Variants in HDGFL3 observed in about 807,000 individuals in gnomAD.
HDGFL3 encodes HDGF like 3, also known as hepatoma-derived growth factor-related protein 3.
Under a neutral mutation model 27.6 loss-of-function variants are expected in HDGFL3, and 6 were observed. The observed-to-expected ratio is 0.22, with a 90% CI of 0.12 to 0.43. The LOEUF is 0.43. Among genes scored for constraint, HDGFL3 ranks in the 20% least tolerant of loss-of-function variants. HDGFL3 has a pLI of 1.00. For synonymous variants in HDGFL3, 88 were observed against 88.9 expected, an observed-to-expected ratio of 0.99 and a Z score of 0.05; for missense variants, 207 against 250.1, an observed-to-expected ratio of 0.83 and a Z score of 1.16.
At chr15:83,120,698 AC>A (rs1023094296) in intron 3 of HDGFL3, among the ~76,000 whole-genome samples, 7 of 149,774 alleles carry the variant, frequency 4.7e-5, no homozygotes, top group African/African-American at 1.7e-4. Flanking sequence ...AGCTGGGACT[AC>A]AGGCGTGTGT....
intron 1 of HDGFL3, among the ~76,000 whole-genome samples, chr15:83,177,150 C>T (rs1028903817): frequency 3.3e-5 from 5 of 152,182 alleles, no homozygotes; most frequent in African/African-American, 1.2e-4. Context: ...AACTCCTGAC[C>T]TCAAATGATC....
chr15:83,122,886 T>A (rs370531241), downstream of HDGFL3: 1 of 1,613,832 alleles, frequency 6.2e-7, no homozygotes, highest in African/African-American at 1.3e-5. Flanking sequence ...AAGGTGATTT[T>A]ATTAAGCTTT....
At chr15:83,115,596 A>G in exon 4 of HDGFL3, 1 of 636,518 alleles carries the variant, frequency 1.6e-6, no homozygotes, top group South Asian at 1.5e-5. Context: ...GGCAGTGACC[A>G]TCATTCTCCA....
intron 1 of HDGFL3, among the ~76,000 whole-genome samples, chr15:83,164,791 A>C (rs941145179): frequency 3.9e-4 from 59 of 152,344 alleles, no homozygotes; most frequent in African/African-American, 1.4e-3. Flanking sequence ...ATTCCTTAGA[A>C]TACTATATAA....
intron 4 of HDGFL3, among the ~76,000 whole-genome samples, chr15:83,154,727 C>G (rs540189698): frequency 2.0e-5 from 3 of 152,262 alleles, no homozygotes; most frequent in East Asian, 3.9e-4. Flanking sequence ...CTAGTAAATA[C>G]AGTATAACTA....
chr15:83,172,731 G>T (rs946953814), intron 1 of HDGFL3, among the ~76,000 whole-genome samples: 2 of 150,302 alleles, frequency 1.3e-5, no homozygotes, highest in African/African-American at 4.9e-5. Context: ...TGAGGCAGAA[G>T]AATCGCTTGA....
At chr15:83,127,408 T>C (rs769557782), downstream of HDGFL3, 3 of 1,614,100 alleles carry the variant, frequency 1.9e-6, no homozygotes, top group South Asian at 3.3e-5. Flanking sequence ...CTGCACTGTA[T>C]GGCTTAGTGG....
chr15:83,175,245 T>TA (rs2037294599), intron 1 of HDGFL3, among the ~76,000 whole-genome samples: 2 of 152,330 alleles, frequency 1.3e-5, no homozygotes, highest in South Asian at 4.1e-4. Flanking sequence ...ACAAATATTG[T>TA]AAAAAACAGA....
intron 2 of HDGFL3, 44 bp from the exon 3 acceptor site, chr15:83,158,085 A>G (rs2151402523): frequency 6.6e-7 from 1 of 1,519,222 alleles, no homozygotes; most frequent in Non-Finnish European, 8.9e-7. Flanking sequence ...CTGACCTTCA[A>G]AGGTAAGATA....
chr15:83,193,777 T>C (rs543724680), intron 1 of HDGFL3, among the ~76,000 whole-genome samples: 31 of 152,316 alleles, frequency 2.0e-4, no homozygotes, highest in African/African-American at 6.3e-4. Context: ...TGTCCCTTAA[T>C]TTCCATGTAA....
chr15:83,119,025 C>A (rs1008083719), intron 3 of HDGFL3, among the ~76,000 whole-genome samples: 7 of 152,122 alleles, frequency 4.6e-5, no homozygotes, highest in Non-Finnish European at 7.3e-5. Flanking sequence ...TCAATCCTGT[C>A]CATCCCACTG....
chr15:83,199,122 G>C (rs2037606719), intron 1 of HDGFL3, among the ~76,000 whole-genome samples: 1 of 152,130 alleles, frequency 6.6e-6, no homozygotes, highest in Admixed American at 6.5e-5. Flanking sequence ...TAGTAGTCCA[G>C]GGAAGGAGAT....
intron 1 of HDGFL3, among the ~76,000 whole-genome samples, chr15:83,205,595 T>C (rs1401036867): frequency 1.3e-5 from 2 of 152,210 alleles, no homozygotes; most frequent in African/African-American, 4.8e-5. Flanking sequence ...AAGTCTATTT[T>C]CTTTTTGACT....
rs58159581 is a variant in HDGFL3, at chr15:83,169,414, CAAAAAAAAAAAAAAAAAAA to C, written c.85-5358_85-5340del. Among the ~76,000 whole-genome samples, 8 of 35,568 alleles carry C rather than the reference CAAAAAAAAAAAAAAAAAAA, an allele frequency of 2.2e-4. No homozygotes were observed. In the East Asian group the frequency reaches 6.0e-3, roughly 27 times the overall value. The allele number at this position is 35,568 out of a possible 152,430, so 23.3% of individuals were successfully genotyped here. The stretch of plus-strand genomic sequence containing the variant: ...TGGGCGACAGAGCGAGACTCCGTCT[CAAAAAAAAAAAAAAAAAAA>C]AAAAAAAAAAAAAAGAAAGAAAAGA... On this transcript the variant is annotated intron_variant, in intron 1 of 5. Coordinates refer to ENST00000299633, the MANE Select transcript of HDGFL3 (RefSeq NM_016073.4).
intron 2 of HDGFL3, among the ~76,000 whole-genome samples, chr15:83,163,543 C>T (rs1333627855): frequency 1.3e-5 from 2 of 152,132 alleles, no homozygotes; most frequent in Non-Finnish European, 2.9e-5. Flanking sequence ...GTAGTCAGTA[C>T]ACCAACAAAT....
intron 1 of HDGFL3, among the ~76,000 whole-genome samples, chr15:83,203,712 A>G (rs567079303): frequency 4.3e-4 from 66 of 152,106 alleles, no homozygotes; most frequent in Admixed American, 1.4e-3. Context: ...ATAAGTAATA[A>G]TAAGTATTAT....
At chr15:83,117,948 C>T (rs138507662) in intron 3 of HDGFL3, among the ~76,000 whole-genome samples, 47 of 152,036 alleles carry the variant, frequency 3.1e-4, no homozygotes, top group Middle Eastern at 3.4e-3. Flanking sequence ...GGAGAATTGC[C>T]GGGGTGACAT....
At chr15:83,200,104 G>A (rs529707931) in intron 1 of HDGFL3, among the ~76,000 whole-genome samples, 2 of 148,562 alleles carry the variant, frequency 1.3e-5, no homozygotes, top group Admixed American at 1.4e-4. Context: ...AGCACTTTGA[G>A]AGGCCGAGGC....
rs1351933554 is a variant in HDGFL3 at position 83,131,751 on chromosome 15, G to T, written c.*7519C>A. On this transcript the variant is annotated 3_prime_UTR_variant, in exon 6 of 6. Transcript: ENST00000299633. ...ATCAAGGAAAGAGTAAAAGAAGATT[G>T]AATAAAATGAAACCAGGACACATTT... 1 of 152,144 alleles carries T rather than the reference G, an allele frequency of 6.6e-6. No individual in the cohort carries two copies. Among genetic ancestry groups the T allele is most frequent in the Non-Finnish European group, 1.5e-5 (1 of 68,040 alleles). The allele number at this position is 152,144 out of a possible 1,614,324, so 9.4% of individuals were successfully genotyped here.
Sources: gnomAD v4.1 joint callset for allele counts (sites outside exome capture counted in the v4.1 genomes callset) on GRCh38, gnomAD v4.1.1 for gene constraint, MANE v1.5 for transcripts, NCBI Gene and HGNC (gene_info 2026-07-23, HGNC 2026-07-21) for gene names.